The following CATSPERE variants were observed in gnomAD, a reference collection of about 807,000 sequenced individuals.
CATSPERE encodes cation channel sperm-associated auxiliary subunit epsilon.
A neutral mutation model predicts 114.1 loss-of-function variants in CATSPERE; 93 were observed. That is an observed-to-expected ratio of 0.81 (90% CI 0.69 to 0.97). CATSPERE has a LOEUF of 0.97. Among genes scored for constraint, CATSPERE ranks in the 50% least tolerant of loss-of-function variants. CATSPERE has a pLI of 0.00. For synonymous variants in CATSPERE, 341 were observed against 384.1 expected, an observed-to-expected ratio of 0.89 and a Z score of 1.31; for missense variants, 1,058 against 1,131.6, an observed-to-expected ratio of 0.93 and a Z score of 0.93.
intron 7 of CATSPERE, among the ~76,000 whole-genome samples, chr1:244,518,163 G>A (rs3003277): frequency 0.13 from 20,242 of 152,030 alleles, 2,377 homozygotes; most frequent in African/African-American, 0.32. Context: ...TTCTAAGAGC[G>A]TTTTCCTTAA....
At chr1:244,495,684 G>A (rs1672970417) in intron 6 of CATSPERE, among the ~76,000 whole-genome samples, 1 of 152,110 alleles carries the variant, frequency 6.6e-6, no homozygotes, top group Admixed American at 6.6e-5. Flanking sequence ...TTGCGCCACT[G>A]CATTCCCGCC....
chr1:244,590,482 A>T (rs1381771383), intron 14 of CATSPERE, among the ~76,000 whole-genome samples: 1 of 152,212 alleles, frequency 6.6e-6, no homozygotes, highest in Admixed American at 6.5e-5. Context: ...ATAGAATTCA[A>T]TGGAATTAAG....
intron 2 of CATSPERE, among the ~76,000 whole-genome samples, chr1:244,468,451 A>T (rs963899984): frequency 5.3e-5 from 8 of 152,146 alleles, no homozygotes. Flanking sequence ...ATTTTTATGT[A>T]GGTGGCAGAA....
chr1:244,625,430 A>ATTTTTTTTTTTTTTTTTTTTTTTT (rs1476267922), intron 20 of CATSPERE, among the ~76,000 whole-genome samples: 5 of 4,342 alleles, frequency 1.2e-3, no homozygotes, highest in Non-Finnish European at 2.0e-3. Flanking sequence ...ATATATATAT[A>ATTTTTTTTTTTTTTTTTTTTTTTT]TATTTTTTTT....
rs778549472 is a variant in CATSPERE, at chr1:244,610,319, G to A, written c.2483G>A (p.Gly828Glu). 6.2e-7 allele frequency: 1 copy of A among 1,607,770 alleles called. No homozygotes were observed. Among genetic ancestry groups the A allele is most frequent in the Non-Finnish European group, 8.5e-7 (1 of 1,174,516 alleles). ...NKHLPLEEVW[G>E]PENYKHCFSY... The stretch of plus-strand genomic sequence containing the variant: ...CACCTCCCACTAGAAGAAGTCTGGG[G>A]ACCTGAGGTAAGAGAAACATTACCT... Residue 828 changes from glycine to glutamate, a missense_variant, in exon 19 of 22, where the codon GGA (glycine) becomes GAA (glutamate). Coordinates refer to ENST00000366534, the MANE Select transcript of CATSPERE (RefSeq NM_001130957.2).
chr1:244,490,349 T>C (rs909642411), intron 5 of CATSPERE, 98 bp from the exon 6 acceptor site: 11 of 743,226 alleles, frequency 1.5e-5, no homozygotes, highest in Non-Finnish European at 2.2e-5. Context: ...ATAAAGAGAA[T>C]ATGCAAAGGT....
chr1:244,584,450 AG>A (rs1666722747), intron 13 of CATSPERE, among the ~76,000 whole-genome samples: 1 of 151,966 alleles, frequency 6.6e-6, no homozygotes, highest in Non-Finnish European at 1.5e-5. Context: ...GAAGTTCAGC[AG>A]GCAGGTGCAA....
chr1:244,505,787 A>G (rs1213879911), intron 7 of CATSPERE, among the ~76,000 whole-genome samples: 6 of 152,150 alleles, frequency 3.9e-5, no homozygotes, highest in Admixed American at 3.3e-4. Flanking sequence ...TGGGTGGATC[A>G]CGAGGTCAGG....
chr1:244,614,687 G>A (rs1196467156), intron 19 of CATSPERE, among the ~76,000 whole-genome samples: 2 of 152,180 alleles, frequency 1.3e-5, no homozygotes, highest in South Asian at 2.1e-4. Flanking sequence ...ACACAGCTCA[G>A]TATCAAGTGG....
intron 8 of CATSPERE, among the ~76,000 whole-genome samples, chr1:244,529,653 G>A (rs543670196): frequency 7.3e-5 from 11 of 151,390 alleles, no homozygotes; most frequent in African/African-American, 2.2e-4. Context: ...TTTGCTGTGC[G>A]GAAGCTTTTT....
intron 5 of CATSPERE, among the ~76,000 whole-genome samples, chr1:244,486,861 T>A (rs1671137557): frequency 1.1e-5 from 1 of 88,008 alleles, no homozygotes; most frequent in South Asian, 4.5e-4. Flanking sequence ...GTGGGCCAGG[T>A]GTAGACCCTC....
At chr1:244,537,149 CT>C (rs1237787285) in intron 8 of CATSPERE, among the ~76,000 whole-genome samples, 2 of 151,392 alleles carry the variant, frequency 1.3e-5, no homozygotes, top group Admixed American at 1.3e-4. Flanking sequence ...TAGTTTCTCA[CT>C]GTCAAGTTTT....
At position 244,620,889 on chromosome 1, in the gene CATSPERE, G is replaced by T. The variant is rs115313848; in HGVS notation, c.2648+3203G>T. Among the ~76,000 whole-genome samples the T allele has an allele frequency of 4.7e-3, 703 of 150,158 alleles. 6 individuals carry two copies. The highest frequency in any genetic ancestry group is 0.017 in the African/African-American group (674 of 40,684). ...ACATGTAGGACAAAGGAGGACAAGT[G>T]TAAGGCCCTAGCAGAGACAGAGATT... is the stretch of plus-strand genomic sequence containing the variant. On this transcript the variant is annotated intron_variant, in intron 20 of 21. Coordinates refer to ENST00000366534, the MANE Select transcript of CATSPERE (RefSeq NM_001130957.2).
chr1:244,451,318 TCA>T (rs1188270814), upstream of CATSPERE, among the ~76,000 whole-genome samples: 1 of 152,118 alleles, frequency 6.6e-6, no homozygotes, highest in African/African-American at 2.4e-5. The surrounding 1 kb of genome is among the most constrained non-coding windows in gnomAD (Gnocchi z 6.6). Context: ...CACCCCGGCC[TCA>T]GTCCCGGCGC....
intron 10 of CATSPERE, among the ~76,000 whole-genome samples, chr1:244,564,573 C>T (rs1343952704): frequency 6.6e-6 from 1 of 152,134 alleles, no homozygotes; most frequent in Non-Finnish European, 1.5e-5. Context: ...TATAGGAATG[C>T]TTGTGATTTT....
intron 8 of CATSPERE, among the ~76,000 whole-genome samples, chr1:244,535,849 T>C (rs1396033771): frequency 6.6e-6 from 1 of 152,010 alleles, no homozygotes. Flanking sequence ...AGTCTCTCTT[T>C]GTAGCTGCCA....
chr1:244,490,914 T>C (rs2148226864), intron 6 of CATSPERE, among the ~76,000 whole-genome samples: 1 of 152,276 alleles, frequency 6.6e-6, no homozygotes, highest in Non-Finnish European at 1.5e-5. Context: ...ATGTTCTCAA[T>C]TTTAATTTGT....
intron 20 of CATSPERE, among the ~76,000 whole-genome samples, chr1:244,625,664 T>C (rs1321392427): frequency 6.6e-6 from 1 of 150,984 alleles, no homozygotes; most frequent in Non-Finnish European, 1.5e-5. Flanking sequence ...CTTGACCTTG[T>C]GATCCGCCCA....
intron 6 of CATSPERE, among the ~76,000 whole-genome samples, chr1:244,497,429 A>G (rs1242169000): frequency 6.6e-6 from 1 of 152,200 alleles, no homozygotes; most frequent in Non-Finnish European, 1.5e-5. Context: ...AGCGAATGAA[A>G]TCCAAGTGGA....
Sources: gnomAD v4.1 joint callset for allele counts (sites outside exome capture counted in the v4.1 genomes callset) on GRCh38, gnomAD v4.1.1 for gene constraint, Gnocchi (gnomAD v3.1) non-coding constraint, MANE v1.5 for transcripts, NCBI Gene and HGNC (gene_info 2026-07-23, HGNC 2026-07-21) for gene names.